The following PCDHGB6 variants were observed in gnomAD, a reference collection of about 807,000 sequenced individuals.
PCDHGB6 encodes protocadherin gamma subfamily B, 6.
Under a neutral mutation model 59.1 loss-of-function variants are expected in PCDHGB6, and 51 were observed. The observed-to-expected ratio is 0.86, with a 90% confidence interval of 0.69 to 1.09. The LOEUF (loss-of-function observed/expected upper bound fraction) is 1.09. PCDHGB6 is among the 50% of genes least tolerant of loss of function. PCDHGB6 has a pLI of 0.00. For synonymous variants in PCDHGB6, 466 were observed against 495.1 expected (o/e 0.94, Z 0.78); for missense variants, 1,148 against 1,205.1 (o/e 0.95, Z 0.70).
rs1340974686 is a variant in PCDHGB6, at chr5:141,477,604, C to T, written c.2419-17203C>T. The T allele has an allele frequency of 6.2e-7, 1 of 1,614,084 alleles. No individual in the cohort carries two copies. Among genetic ancestry groups the T allele is most frequent in the Non-Finnish European group, 8.5e-7 (1 of 1,180,054 alleles). ...AGAATGCTCGGCTTTCTTTCTTTCT[C>T]TTGGAGCAAGGAGCTGAAACCGGGC... On this transcript the variant is annotated intron_variant, in intron 1 of 3. Coordinates refer to ENST00000520790, the MANE Select transcript of PCDHGB6 (RefSeq NM_018926.3). The surrounding 1 kb of genome is among the most constrained non-coding windows in gnomAD (Gnocchi z 4.9).
intron 1 of PCDHGB6, chr5:141,430,592 C>A (rs2097296542): frequency 1.8e-6 from 1 of 544,568 alleles, no homozygotes; most frequent in Non-Finnish European, 2.9e-6. Flanking sequence ...TCGCCTTGCA[C>A]GCGCCTGAAG....
rs765125633 is a variant in PCDHGB6 at position 141,410,620 on chromosome 5, G to T, written c.2418G>T (p.Ser806=). 6.2e-7 allele frequency: 1 copy of T among 1,603,524 alleles called. No homozygotes were observed. Residue 806 remains serine (S), a splice_region_variant and synonymous_variant, in exon 1 of 4, where the codon TCG becomes TCT. Transcript: ENST00000520790. ...CTTCACATCCTGAGACTCTGACTTC[G>T]GTGAGTTTCTCTTTTTTGTGTGTGA... ...DLTSHPETLT[S]QAPPNTDWRF...
chr5:141,509,273 C>T (rs1026035086), intron 3 of PCDHGB6, among the ~76,000 whole-genome samples: 1 of 152,098 alleles, frequency 6.6e-6, no homozygotes, highest in Admixed American at 6.5e-5. Flanking sequence ...CTCTCGCTAC[C>T]CGCTCCCAGG....
Position 141,408,423 on chromosome 5 carries a change from A to G in PCDHGB6, c.221A>G (p.His74Arg), listed in dbSNP as rs2095103444. Residue 74 changes from histidine to arginine, a missense_variant, in exon 1 of 4, where the codon CAC becomes CGC. By Grantham distance (29) the His-to-Arg change is conservative (BLOSUM62 0). This residue lies in a region of PCDHGB6 where 307 missense variants were observed against 323.8 expected (regional missense o/e 0.95). Coordinates refer to ENST00000520790, the MANE Select transcript of PCDHGB6 (RefSeq NM_018926.3). ...RKLRVSAEKL[H>R]FSVDAESGDL... ...CTGCGAGTGAGCGCGGAGAAGCTGC[A>G]CTTCAGCGTAGACGCGGAGAGCGGG... The G allele has an allele frequency of 6.2e-7, 1 of 1,614,078 alleles. No homozygotes were observed.
intron 1 of PCDHGB6, chr5:141,415,739 G>GT (rs1561759437): frequency 3.9e-5 from 17 of 435,138 alleles, no homozygotes; most frequent in African/African-American, 2.3e-4. Flanking sequence ...TGTTTATTAA[G>GT]GTTTTTTTTT....
rs201006002 is a variant in PCDHGB6, at chr5:141,432,497, C to G, written c.2418+21877C>G. Reference sequence around the variant, plus strand: ...TTCCACTGGCGTGGAGCTGGCTCCCCGCTCCGCAGAGCCCGGCTACCTGGT... The same window carrying G: ...TTCCACTGGCGTGGAGCTGGCTCCCGGCTCCGCAGAGCCCGGCTACCTGGT... On this transcript the variant is annotated intron_variant, in intron 1 of 3. Transcript: ENST00000520790. This position sits in a 1 kb window ranked among gnomAD's most constrained non-coding sequence, Gnocchi z 6.0. The G allele has an allele frequency of 1.1e-5, 18 of 1,614,182 alleles. No homozygotes were observed. In the East Asian group the frequency reaches 4.0e-4, roughly 36 times the overall value.
chr5:141,410,844 TTTGTC>T, intron 1 of PCDHGB6: 1 of 422,400 alleles, frequency 2.4e-6, no homozygotes, highest in Non-Finnish European at 3.9e-6. Context: ...ATATTTTGTC[TTTGTC>T]TTTTTTTTTT....
chr5:141,505,320 C>G, intron 2 of PCDHGB6, 73 bp from the exon 3 acceptor site: 2 of 1,605,358 alleles, frequency 1.2e-6, no homozygotes, highest in Non-Finnish European at 1.7e-6. Context: ...TTTGGGAGCC[C>G]TGGGAGAGGA....
At chr5:141,507,798 GCCCT>G (rs2099863561) in intron 3 of PCDHGB6, among the ~76,000 whole-genome samples, 1 of 152,188 alleles carries the variant, frequency 6.6e-6, no homozygotes, top group Admixed American at 6.5e-5. Context: ...CTAAGCCTGC[GCCCT>G]GGGGAACGGA....
rs1173306822 is a variant in PCDHGB6, at chr5:141,431,115, T to G, written c.2418+20495T>G. The G allele has an allele frequency of 6.2e-7, 1 of 1,613,608 alleles. No homozygotes were observed. Among genetic ancestry groups the G allele is most frequent in the East Asian group, 2.2e-5 (1 of 44,840 alleles). ...GAGGATAAAGTGAAAATATATGGAG[T>G]AGAAGTAGAAGTAAGGGACATTAAC... On this transcript the variant is annotated intron_variant, in intron 1 of 3. Transcript: ENST00000520790. This position sits in a 1 kb window ranked among gnomAD's most constrained non-coding sequence, Gnocchi z 4.8.
chr5:141,421,055 C>A, intron 1 of PCDHGB6: 2 of 577,118 alleles, frequency 3.5e-6, no homozygotes, highest in South Asian at 2.4e-5. Flanking sequence ...GCCTCTACCA[C>A]ACAAAGCGGA....
intron 1 of PCDHGB6, chr5:141,428,003 C>A (rs1175875944): frequency 2.5e-6 from 4 of 1,601,244 alleles, no homozygotes; most frequent in Non-Finnish European, 3.4e-6. Context: ...CCGCACTCTT[C>A]GATATAGTGC....
At position 141,488,726 on chromosome 5, in the gene PCDHGB6, G is replaced by A. The variant is rs1562126303; in HGVS notation, c.2419-6081G>A. 2.0e-5 allele frequency among the ~76,000 whole-genome samples: 3 copies of A among 152,194 alleles called. No homozygotes were observed. The South Asian group carries it at 6.2e-4, about 32-fold the overall frequency. ...TGCTGGTTCAAGCAAAGTGGTGGAA[G>A]CTTCTGAAGTCATGCAGGAAGTTGC... On this transcript the variant is annotated intron_variant, in intron 1 of 3. Transcript: ENST00000520790.
At chr5:141,456,615 A>G (rs561978043) in intron 1 of PCDHGB6, among the ~76,000 whole-genome samples, 3 of 152,318 alleles carry the variant, frequency 2.0e-5, no homozygotes, top group East Asian at 3.9e-4. Flanking sequence ...AAGTCCCTGT[A>G]GATTTGCCTC....
chr5:141,436,080 T>C (rs755968267), intron 1 of PCDHGB6, among the ~76,000 whole-genome samples: 1 of 152,204 alleles, frequency 6.6e-6, no homozygotes, highest in Admixed American at 6.5e-5. Context: ...CAGTGTTCTA[T>C]AGGTAATATT....
chr5:141,416,006 G>A, intron 1 of PCDHGB6: 1 of 253,216 alleles, frequency 3.9e-6, no homozygotes, highest in Non-Finnish European at 7.3e-6. Context: ...GGTCTGGTAA[G>A]AATAGGTAAG....
intron 1 of PCDHGB6, chr5:141,428,255 G>A (rs2097128504): frequency 1.1e-6 from 1 of 875,462 alleles, no homozygotes; most frequent in Non-Finnish European, 1.8e-6. Context: ...CCAGACTTCA[G>A]TGACAGTCCT....
intron 1 of PCDHGB6, among the ~76,000 whole-genome samples, chr5:141,479,935 A>C (rs1226362422): frequency 1.3e-5 from 2 of 152,232 alleles, no homozygotes. Context: ...CATCATTGCT[A>C]TCAACTCTTG....
At position 141,485,359 on chromosome 5, in the gene PCDHGB6, C is replaced by G. The variant is rs1233826208; in HGVS notation, c.2419-9448C>G. 6.2e-7 allele frequency: 1 copy of G among 1,614,026 alleles called. No individual in the cohort carries two copies. The highest frequency in any genetic ancestry group is 8.5e-7 in the Non-Finnish European group (1 of 1,180,018). On this transcript the variant is annotated intron_variant, in intron 1 of 3. Transcript: ENST00000520790. This position sits in a 1 kb window ranked among gnomAD's most constrained non-coding sequence, Gnocchi z 5.7. ...TGGATACGGACAGTCTGTCAGCTCG[C>G]AGGCTGCAGGTCGCTGGAGAGGTGA...
Sources: allele counts gnomAD v4.1 joint callset (sites outside exome capture counted in the v4.1 genomes callset), GRCh38; gene constraint gnomAD v4.1.1; regional missense constraint gnomAD v4.1.1; non-coding constraint Gnocchi (gnomAD v3.1); transcripts MANE v1.5; gene names NCBI Gene and HGNC (gene_info 2026-07-23, HGNC 2026-07-21).